Variants in RARB observed in about 807,000 individuals in gnomAD.
The protein encoded by RARB is retinoic acid receptor beta, also known as HBV-activated protein.
RARB carries 17 observed loss-of-function variants against 51.9 expected under a neutral mutation model. The observed-to-expected ratio is 0.33, with a 90% CI of 0.22 to 0.49. The LOEUF (loss-of-function observed/expected upper bound fraction) is 0.49. Ranked by LOEUF, RARB falls within the 20% of genes least tolerant of loss-of-function variation. The probability of loss-of-function intolerance (pLI) is 0.99; values close to 1 mark genes in which losing one functional copy is unlikely to be tolerated. For missense variants in RARB, 369 were observed against 550.8 expected (o/e 0.67, Z 3.30); for synonymous variants, 215 against 195.4 (o/e 1.10, Z -0.84).
At chr3:24,958,255 GTTTT>G (rs71057692) in intron 2 of RARB, among the ~76,000 whole-genome samples, 18,562 of 70,706 alleles carry the variant, frequency 0.26, 1,857 homozygotes, top group South Asian at 0.38. Context: ...AGCTGCTCAG[GTTTT>G]TTTTTTTTTT....
intron 2 of RARB, among the ~76,000 whole-genome samples, chr3:24,884,402 T>A (rs1703232066): frequency 6.6e-6 from 1 of 152,192 alleles, no homozygotes; most frequent in South Asian, 2.1e-4. Context: ...GAGTTCTTTT[T>A]TCAAGCCATG....
chr3:25,372,476 TAG>T (rs1706330556), intron 5 of RARB, among the ~76,000 whole-genome samples: 1 of 152,130 alleles, frequency 6.6e-6, no homozygotes, highest in Admixed American at 6.5e-5. Context: ...AAAGACCAGT[TAG>T]AGAGCTGTAA....
chr3:25,308,385 C>T (rs1227945072), intron 5 of RARB, among the ~76,000 whole-genome samples: 1 of 151,950 alleles, frequency 6.6e-6, no homozygotes, highest in African/African-American at 2.4e-5. Flanking sequence ...TGCTCTTCAA[C>T]ACAGTAATCA....
chr3:25,201,001 G>A (rs1268609800), intron 5 of RARB, among the ~76,000 whole-genome samples: 1 of 152,156 alleles, frequency 6.6e-6, no homozygotes, highest in Non-Finnish European at 1.5e-5. Context: ...AGATTGATGA[G>A]GATGGCATTG....
intron 3 of RARB, among the ~76,000 whole-genome samples, chr3:25,060,405 C>G (rs150052527): frequency 8.6e-5 from 13 of 151,830 alleles, no homozygotes; most frequent in African/African-American, 3.1e-4. Context: ...CTTATTTTCT[C>G]TCTGCTAACA....
chr3:25,245,190 A>G (rs190266753), intron 5 of RARB, among the ~76,000 whole-genome samples: 21 of 152,156 alleles, frequency 1.4e-4, no homozygotes, highest in East Asian at 7.7e-4. Context: ...TTTTGAGTCT[A>G]TGAGTATCTT....
At chr3:25,196,290 A>T (rs1326732971) in intron 5 of RARB, among the ~76,000 whole-genome samples, 1 of 151,648 alleles carries the variant, frequency 6.6e-6, no homozygotes, top group African/African-American at 2.4e-5. Flanking sequence ...CTCATGGTTC[A>T]GTTCCCACCT....
At chr3:24,958,548 C>G (rs1185294795) in intron 2 of RARB, among the ~76,000 whole-genome samples, 1 of 152,008 alleles carries the variant, frequency 6.6e-6, no homozygotes, top group Non-Finnish European at 1.5e-5. Context: ...CCTTTTCATT[C>G]ACTGTTTAGG....
chr3:25,566,287 C>G lies in RARB; in HGVS notation c.449-3471C>G, dbSNP rs558427998. Among the ~76,000 whole-genome samples the G allele has an allele frequency of 2.6e-5, 4 of 152,318 alleles. No homozygotes were observed. In the East Asian group the frequency reaches 7.7e-4, roughly 29 times the overall value. On this transcript the variant is annotated intron_variant, in intron 3 of 7. Transcript: ENST00000330688. Reference sequence around the variant, plus strand: ...CTGTATGTAATTGGGGCATCATCACCAGAGGGGTTGTCCCTGCATTTTGTG... The same window carrying G: ...CTGTATGTAATTGGGGCATCATCACGAGAGGGGTTGTCCCTGCATTTTGTG...
intron 3 of RARB, among the ~76,000 whole-genome samples, chr3:25,111,866 G>A (rs1480897960): frequency 9.2e-5 from 14 of 151,886 alleles, no homozygotes; most frequent in Admixed American, 3.3e-4. Flanking sequence ...GTGAGCCATC[G>A]GGCCCGACTC....
intron 1 of RARB, among the ~76,000 whole-genome samples, chr3:25,451,140 G>A (rs1575416172): frequency 6.6e-6 from 1 of 152,340 alleles, no homozygotes; most frequent in African/African-American, 2.4e-5. Flanking sequence ...TAAGGAAGGT[G>A]GAAGGGAAAT....
At chr3:25,590,532 G>T (rs60997895) in intron 5 of RARB, among the ~76,000 whole-genome samples, 27,370 of 151,970 alleles carry the variant, frequency 0.18, 2,508 homozygotes, top group Admixed American at 0.19. Flanking sequence ...TTGTGGTGGT[G>T]GTTGTTGAGA....
chr3:25,351,975 C>G (rs1192482256), intron 5 of RARB, among the ~76,000 whole-genome samples: 1 of 152,162 alleles, frequency 6.6e-6, no homozygotes, highest in Non-Finnish European at 1.5e-5. Context: ...GCTAGAATAT[C>G]AAATGTGTTT....
intron 4 of RARB, among the ~76,000 whole-genome samples, chr3:25,160,372 C>A (rs1700454457): frequency 6.6e-6 from 1 of 152,140 alleles, no homozygotes; most frequent in South Asian, 2.1e-4. Flanking sequence ...TTACTTTGAC[C>A]CCTGGCTTCT....
intron 5 of RARB, among the ~76,000 whole-genome samples, chr3:25,302,744 A>T (rs944960568): frequency 2.6e-5 from 4 of 152,176 alleles, no homozygotes; most frequent in Non-Finnish European, 5.9e-5. Context: ...TGAAAGGGTG[A>T]ATTTTATGTT....
intron 2 of RARB, among the ~76,000 whole-genome samples, chr3:25,034,215 C>T (rs563058067): frequency 2.0e-5 from 3 of 152,112 alleles, no homozygotes; most frequent in Admixed American, 6.5e-5. Context: ...GAGGCTAAGG[C>T]GGGAGAATCG....
chr3:24,934,261 G>T (rs1007966875), intron 2 of RARB, among the ~76,000 whole-genome samples: 1 of 152,064 alleles, frequency 6.6e-6, no homozygotes, highest in Non-Finnish European at 1.5e-5. Context: ...TTTTCCAGTT[G>T]TTAGTCTAAA....
chr3:25,086,384 C>A lies in RARB; in HGVS notation c.-328+26208C>A, dbSNP rs1040738234. Among the ~76,000 whole-genome samples the A allele has an allele frequency of 2.5e-4, 38 of 152,152 alleles. 1 individual carries two copies. Among genetic ancestry groups the A allele is most frequent in the Admixed American group, 1.8e-3 (28 of 15,274 alleles). ...ACTGTGTCATTTGATTTGATTCTTA[C>A]AATTTGCTAACGTAAGAAGGTGATT... On this transcript the variant is annotated intron_variant, in intron 3 of 11. Coordinates refer to the RARB transcript ENST00000383772.
intron 5 of RARB, among the ~76,000 whole-genome samples, chr3:25,258,002 T>C (rs1486564912): frequency 6.6e-6 from 1 of 152,178 alleles, no homozygotes; most frequent in Non-Finnish European, 1.5e-5. Flanking sequence ...TACGTTGTAA[T>C]GATCCATTTG....
Sources: gnomAD v4.1 joint callset for allele counts (sites outside exome capture counted in the v4.1 genomes callset) on GRCh38, gnomAD v4.1.1 for gene constraint, MANE v1.5 for transcripts, NCBI Gene and HGNC (gene_info 2026-07-23, HGNC 2026-07-21) for gene names.